The following FGD6 variants were observed in gnomAD, a reference collection of about 807,000 sequenced individuals.
FGD6 encodes the protein FYVE, RhoGEF and PH domain-containing protein 6.
Under a neutral mutation model 149.4 loss-of-function variants are expected in FGD6, and 90 were observed. The observed-to-expected ratio is 0.60, with a 90% CI of 0.51 to 0.72. The LOEUF is 0.72. Ranked by LOEUF, FGD6 falls within the 30% of genes least tolerant of loss-of-function variation. FGD6 has a pLI of 0.00. For missense variants in FGD6, 1,437 were observed against 1,684.8 expected (o/e 0.85, Z 2.57); for synonymous variants, 527 against 584.0 (o/e 0.90, Z 1.41).
chr12:95,124,740 C>G (rs1214916317), intron 8 of FGD6, among the ~76,000 whole-genome samples: 1 of 152,222 alleles, frequency 6.6e-6, no homozygotes, highest in Admixed American at 6.5e-5. Context: ...CCTATTTTCA[C>G]TAACCTCTAC....
intron 8 of FGD6, chr12:95,126,245 C>T (rs972022004): frequency 1.1e-4 from 144 of 1,283,714 alleles, no homozygotes; most frequent in Non-Finnish European, 1.3e-4. Context: ...AAAAGATGAC[C>T]GCTGTGGGCA....
chr12:95,162,677 G>A (rs958375400), intron 3 of FGD6, among the ~76,000 whole-genome samples: 6 of 152,196 alleles, frequency 3.9e-5, no homozygotes, highest in East Asian at 1.9e-4. Flanking sequence ...AGGCAGAGGT[G>A]TGTCAATCAG....
intron 20 of FGD6, among the ~76,000 whole-genome samples, chr12:95,083,405 T>A (rs1877761733): frequency 6.6e-6 from 1 of 152,126 alleles, no homozygotes; most frequent in African/African-American, 2.4e-5. Context: ...CTCAATGATA[T>A]AAGCAAAAGA....
At chr12:95,205,291 A>G (rs1347756020) in intron 2 of FGD6, among the ~76,000 whole-genome samples, 2 of 152,150 alleles carry the variant, frequency 1.3e-5, no homozygotes, top group Non-Finnish European at 2.9e-5. Context: ...GTAAATGGTA[A>G]GCAATGGATT....
At chr12:95,103,362 C>T (rs546485531) in intron 14 of FGD6, among the ~76,000 whole-genome samples, 2 of 152,314 alleles carry the variant, frequency 1.3e-5, no homozygotes, top group South Asian at 4.1e-4. Flanking sequence ...GTCAAACCTT[C>T]CCAAATACCC....
chr12:95,204,119 T>C (rs2056680245), intron 2 of FGD6, among the ~76,000 whole-genome samples: 1 of 152,208 alleles, frequency 6.6e-6, no homozygotes, highest in Admixed American at 6.5e-5. Flanking sequence ...AATGTCAGAA[T>C]AATCCAGAGT....
At chr12:95,137,346 TG>T (rs1879696789) in intron 7 of FGD6, among the ~76,000 whole-genome samples, 175 bp downstream of exon 7, 2 of 152,212 alleles carry the variant, frequency 1.3e-5, no homozygotes, top group African/African-American at 4.8e-5. Flanking sequence ...AATTAAGTCA[TG>T]TACATTCTTG....
At chr12:95,142,403 A>G (rs901790065) in intron 5 of FGD6, among the ~76,000 whole-genome samples, 1 of 151,908 alleles carries the variant, frequency 6.6e-6, no homozygotes, top group Non-Finnish European at 1.5e-5. Context: ...TCAGCCTCCC[A>G]AAGTGCTGGG....
chr12:95,084,588 T>C lies in FGD6; in HGVS notation c.4166A>G (p.Asp1389Gly). The change falls in exon 20 of 21, where the codon GAT becomes GGT. Residue 1389 changes from aspartate to glycine, a missense_variant. Around this residue, in one of 2 missense-constraint regions of FGD6, gnomAD observed 382 missense variants for 538.7 expected, o/e 0.71. Transcript: ENST00000343958. Reference protein sequence around the residue: ...LLGFTVIQVKDENSESKVFQL... With the variant: ...LLGFTVIQVKGENSESKVFQL... Reference sequence around the variant, plus strand: ...AAATACTTTAGACTCGGAATTCTCATCTTTAACTTGAATAACAGTGAATCC... The same window carrying C: ...AAATACTTTAGACTCGGAATTCTCACCTTTAACTTGAATAACAGTGAATCC... 1 of 1,608,706 alleles carries C rather than the reference T, an allele frequency of 6.2e-7. No homozygotes were observed. Among genetic ancestry groups the C allele is most frequent in the Non-Finnish European group, 8.5e-7 (1 of 1,178,352 alleles).
intron 3 of FGD6, among the ~76,000 whole-genome samples, chr12:95,164,146 A>G (rs1880725051): frequency 6.6e-6 from 1 of 152,246 alleles, no homozygotes. Context: ...AAATAAGTCA[A>G]ACAAATTCCA....
intron 17 of FGD6, 76 bp from the exon 18 acceptor site, chr12:95,089,772 C>T (rs1190348043): frequency 7.7e-6 from 12 of 1,554,474 alleles, no homozygotes; most frequent in Non-Finnish European, 7.0e-6. Context: ...TCCATAAACA[C>T]TGTTGCATAA....
chr12:95,128,600 C>A (rs1350343918), intron 8 of FGD6, among the ~76,000 whole-genome samples: 2 of 152,244 alleles, frequency 1.3e-5, no homozygotes, highest in Non-Finnish European at 2.9e-5. Context: ...TATAATTAAA[C>A]AACTAAAAGA....
At chr12:95,097,964 T>TA (rs1375523762) in intron 14 of FGD6, among the ~76,000 whole-genome samples, 1 of 152,188 alleles carries the variant, frequency 6.6e-6, no homozygotes, top group African/African-American at 2.4e-5. Context: ...AGTTAGGACT[T>TA]AAAGAGTTAC....
intron 3 of FGD6, among the ~76,000 whole-genome samples, chr12:95,164,244 TC>T (rs1880730777): frequency 4.0e-5 from 6 of 150,442 alleles, no homozygotes; most frequent in Admixed American, 3.3e-4. Context: ...TTTTTTTCCT[TC>T]CTTTTTTTTT....
At chr12:95,202,913 G>A (rs2056670578) in intron 2 of FGD6, among the ~76,000 whole-genome samples, 1 of 152,160 alleles carries the variant, frequency 6.6e-6, no homozygotes, top group African/African-American at 2.4e-5. Flanking sequence ...GGAAAGGGCT[G>A]CTGTTGAATA....
At chr12:95,132,973 A>ATGTGTATCAGTACTTCCCTTTGTCC (rs1879567194) in intron 8 of FGD6, among the ~76,000 whole-genome samples, 1 of 152,206 alleles carries the variant, frequency 6.6e-6, no homozygotes, top group Non-Finnish European at 1.5e-5. Context: ...AAAACACAAC[A>ATGTGTATCAGTACTTCCCTTTGTCC]TGTGTATCAG....
In FGD6 at chr12:95,148,840, A is replaced by T. The variant is rs1169202611; in HGVS notation, c.2685+3971T>A. Among the ~76,000 whole-genome samples the T allele has an allele frequency of 2.2e-5, 2 of 90,808 alleles. 1 individual carries two copies. The highest frequency in any genetic ancestry group is 3.9e-5 in the Non-Finnish European group (2 of 50,716). 59.6% of individuals were successfully genotyped at this position (90,808 alleles called of 152,430 possible). A position where few individuals can be genotyped will look rare whatever the true frequency, so the allele number is the denominator to read the frequency against. On this transcript the variant is annotated intron_variant, in intron 5 of 20. Transcript: ENST00000343958. ...ATATTATATATATTATATAATATATAGCATATATTATATATATTATATAAG... is the reference window on the plus strand; with the variant it reads ...ATATTATATATATTATATAATATATTGCATATATTATATATATTATATAAG...
chr12:95,164,901 TAG>T (rs1880761686), intron 3 of FGD6, among the ~76,000 whole-genome samples: 1 of 152,202 alleles, frequency 6.6e-6, no homozygotes, highest in Non-Finnish European at 1.5e-5. Context: ...AATGCTCTCT[TAG>T]GTTTTCGCCC....
chr12:95,122,503 G>A lies in FGD6; in HGVS notation c.3083-8802C>T, dbSNP rs535021842. On this transcript the variant is annotated intron_variant, in intron 8 of 20. Coordinates refer to ENST00000343958, the MANE Select transcript of FGD6 (RefSeq NM_018351.4). ...TCTACTAAAAATACAAAAATTAGCC[G>A]GGCGTGGTGGCTCATGTCTGTAATT... Among the ~76,000 whole-genome samples, 186 of 151,494 alleles carry A rather than the reference G, an allele frequency of 1.2e-3. 1 individual carries two copies. The highest frequency in any genetic ancestry group is 1.7e-3 in the Non-Finnish European group (117 of 67,878).
Sources: allele counts gnomAD v4.1 joint callset (sites outside exome capture counted in the v4.1 genomes callset), GRCh38; gene constraint gnomAD v4.1.1; regional missense constraint gnomAD v4.1.1; transcripts MANE v1.5; gene names NCBI Gene and HGNC (gene_info 2026-07-23, HGNC 2026-07-21).